SLC4A4: variants seen among roughly 807,000 people sequenced by gnomAD.
The protein encoded by SLC4A4 is electrogenic sodium bicarbonate cotransporter 1.
SLC4A4 carries 27 observed loss-of-function variants against 111.5 expected under a neutral mutation model. The observed-to-expected ratio is 0.24, with a 90% confidence interval of 0.18 to 0.33. The LOEUF (loss-of-function observed/expected upper bound fraction) is 0.33. SLC4A4 is among the 10% of genes least tolerant of loss of function. The pLI is 1.00. For synonymous variants in SLC4A4, 443 were observed against 463.4 expected, an observed-to-expected ratio of 0.96 and a Z score of 0.57; for missense variants, 909 against 1,315.5, an observed-to-expected ratio of 0.69 and a Z score of 4.78.
chr4:71,109,787 TCGTCCTCGGCCTCC>T (rs1264929555), intron 2 of SLC4A4, among the ~76,000 whole-genome samples: 3 of 152,110 alleles, frequency 2.0e-5, no homozygotes, highest in African/African-American at 4.8e-5. Context: ...AAGTGATCTG[TCGTCCTCGGCCTCC>T]CGAAGTGCTG....
At chr4:71,191,731 C>A (rs1303110629) in intron 1 of SLC4A4, among the ~76,000 whole-genome samples, 1 of 152,124 alleles carries the variant, frequency 6.6e-6, no homozygotes, top group Non-Finnish European at 1.5e-5. Context: ...TAGCTACCAT[C>A]TTGAGAGCTA....
At chr4:71,106,733 T>C (rs1258634966) in intron 2 of SLC4A4, among the ~76,000 whole-genome samples, 2 of 132,722 alleles carry the variant, frequency 1.5e-5, no homozygotes, top group African/African-American at 5.7e-5. Flanking sequence ...TGAGATCACA[T>C]GGACACAGGA....
chr4:71,466,927 C>T (rs576145919), intron 13 of SLC4A4, among the ~76,000 whole-genome samples: 5 of 74,628 alleles, frequency 6.7e-5, no homozygotes, highest in East Asian at 3.7e-4. Context: ...ACCAACAAGA[C>T]GGGAAGAGAG....
At chr4:71,424,242 G>A (rs1418563921) in intron 7 of SLC4A4, among the ~76,000 whole-genome samples, 1 of 152,114 alleles carries the variant, frequency 6.6e-6, no homozygotes, top group Non-Finnish European at 1.5e-5. Flanking sequence ...ATGAAAAAAT[G>A]CTCACCATCA....
chr4:71,105,507 C>G (rs961897802), intron 2 of SLC4A4, among the ~76,000 whole-genome samples: 1 of 151,596 alleles, frequency 6.6e-6, no homozygotes, highest in African/African-American at 2.4e-5. Flanking sequence ...CATCACACTA[C>G]CTGACTTGAA....
intron 7 of SLC4A4, among the ~76,000 whole-genome samples, chr4:71,439,056 C>G (rs973944702): frequency 6.6e-6 from 1 of 151,850 alleles, no homozygotes; most frequent in African/African-American, 2.4e-5. Context: ...CCTAGCTTCC[C>G]CATTTCTCAG....
chr4:71,401,046 A>G (rs1263938691), intron 7 of SLC4A4, among the ~76,000 whole-genome samples: 1 of 152,164 alleles, frequency 6.6e-6, no homozygotes, highest in African/African-American at 2.4e-5. Context: ...TTCTGCCTGG[A>G]TACAATTTGA....
chr4:71,553,415 C>T (rs1413773570), intron 20 of SLC4A4, among the ~76,000 whole-genome samples: 1 of 151,802 alleles, frequency 6.6e-6, no homozygotes, highest in African/African-American at 2.4e-5. Flanking sequence ...CTAAGCCTAG[C>T]TGAGGGATGA....
At chr4:71,230,743 G>A (rs1719366994) in intron 1 of SLC4A4, among the ~76,000 whole-genome samples, 1 of 152,202 alleles carries the variant, frequency 6.6e-6, no homozygotes, top group Non-Finnish European at 1.5e-5. Context: ...GCATCGTTAA[G>A]TGCAGAGCAG....
intron 12 of SLC4A4, among the ~76,000 whole-genome samples, chr4:71,454,313 T>C (rs1479514247): frequency 1.3e-5 from 2 of 152,182 alleles, no homozygotes; most frequent in African/African-American, 4.8e-5. Flanking sequence ...GTTTTGGTGA[T>C]AGAAAAGATG....
intron 1 of SLC4A4, among the ~76,000 whole-genome samples, chr4:71,090,124 A>G (rs193166589): frequency 0.014 from 2,143 of 152,056 alleles, 68 homozygotes; most frequent in African/African-American, 0.049. Flanking sequence ...CCTCGCTGCC[A>G]CCTTGCAGTT....
At chr4:71,565,308 G>A (rs991690974) in intron 24 of SLC4A4, among the ~76,000 whole-genome samples, 12 of 151,858 alleles carry the variant, frequency 7.9e-5, no homozygotes, top group African/African-American at 2.9e-4. Flanking sequence ...CTCACTGAGA[G>A]ATGTGATCTC....
intron 12 of SLC4A4, among the ~76,000 whole-genome samples, chr4:71,456,423 A>G (rs1337874782): frequency 6.6e-6 from 1 of 152,196 alleles, no homozygotes; most frequent in African/African-American, 2.4e-5. Context: ...TTTAAGGACT[A>G]GGGAGTAAGG....
chr4:71,116,501 T>G (rs1261312746), intron 2 of SLC4A4, among the ~76,000 whole-genome samples: 1 of 152,248 alleles, frequency 6.6e-6, no homozygotes, highest in Non-Finnish European at 1.5e-5. Context: ...CTGTGCATCT[T>G]CTTTCTAAGC....
intron 1 of SLC4A4, among the ~76,000 whole-genome samples, chr4:71,187,627 G>T (rs1270993382): frequency 1.3e-5 from 2 of 152,216 alleles, no homozygotes; most frequent in African/African-American, 4.8e-5. Context: ...CCTTCTTAGG[G>T]TTTAGAGGAA....
At chr4:71,085,638 T>C (rs369216678) in intron 1 of SLC4A4, among the ~76,000 whole-genome samples, 13 of 152,024 alleles carry the variant, frequency 8.6e-5, no homozygotes, top group Non-Finnish European at 1.5e-4. Context: ...AGCCAGTTTT[T>C]CCAGCACCAT....
intron 12 of SLC4A4, among the ~76,000 whole-genome samples, chr4:71,454,308 G>T (rs2149081284): frequency 6.6e-6 from 1 of 152,154 alleles, no homozygotes; most frequent in East Asian, 1.9e-4. Flanking sequence ...ATAAAGTTTT[G>T]GTGATAGAAA....
intron 2 of SLC4A4, among the ~76,000 whole-genome samples, chr4:71,125,087 C>G (rs1396540638): frequency 1.3e-5 from 2 of 152,080 alleles, no homozygotes; most frequent in Non-Finnish European, 2.9e-5. Flanking sequence ...TAGCTTCTAG[C>G]ATATTGTGAT....
chr4:71,420,849 A>G (rs1338490738), intron 7 of SLC4A4, among the ~76,000 whole-genome samples: 2 of 149,646 alleles, frequency 1.3e-5, no homozygotes. Flanking sequence ...TAAACATGGA[A>G]AGGAACAACC....
Sources: allele counts gnomAD v4.1 joint callset (sites outside exome capture counted in the v4.1 genomes callset), GRCh38; gene constraint gnomAD v4.1.1; transcripts MANE v1.5; gene names NCBI Gene and HGNC (gene_info 2026-07-23, HGNC 2026-07-21).